Variants in GRTP1 observed in about 807,000 individuals in gnomAD.
GRTP1 encodes the protein growth hormone regulated TBC protein 1, also known as growth hormone-regulated TBC protein 1.
GRTP1 carries 56 observed loss-of-function variants against 38.1 expected under a neutral mutation model. That is an observed-to-expected ratio of 1.47 (90% CI 1.19 to 1.84). GRTP1 has a LOEUF of 1.84. Among genes scored for constraint, GRTP1 ranks in the 40% most tolerant of loss-of-function variants. GRTP1 has a pLI of 0.00. For synonymous variants in GRTP1, 217 were observed against 189.5 expected (o/e 1.14, Z -1.19); for missense variants, 506 against 453.9 (o/e 1.11, Z -1.04).
Position 113,349,312 on chromosome 13 carries a change from T to G in GRTP1, c.465+1537A>C, listed in dbSNP as rs945246181. Among the ~76,000 whole-genome samples, 2 of 151,510 alleles carry G rather than the reference T, an allele frequency of 1.3e-5. No homozygotes were observed. Among genetic ancestry groups the G allele is most frequent in the Non-Finnish European group, 2.9e-5 (2 of 67,918 alleles). On this transcript the variant is annotated intron_variant, in intron 4 of 7. Coordinates refer to ENST00000375431, the MANE Select transcript of GRTP1 (RefSeq NM_024719.4). This position sits in a 1 kb window ranked among gnomAD's most constrained non-coding sequence, Gnocchi z 5.0. ...CAAACGACCCTCTCACCTCAGCCCC[T>G]CGAGCAGCCGGGACCACAGGCGTGT...
chr13:113,362,402 C>T (rs1482748276), intron 2 of GRTP1, among the ~76,000 whole-genome samples: 1 of 152,150 alleles, frequency 6.6e-6, no homozygotes. Context: ...AACATGTGAA[C>T]ATGCAGAGGC....
Position 113,342,758 on chromosome 13 carries a change from G to A in GRTP1, c.562+2105C>T, listed in dbSNP as rs550459348. ...TCTCTGCCGCTGGGAGAGCTCTGCC[G>A]GGATCGGAATAACCCCCTTTTCCTC... On this transcript the variant is annotated intron_variant, in intron 5 of 7. Transcript: ENST00000375431. This position sits in a 1 kb window ranked among gnomAD's most constrained non-coding sequence, Gnocchi z 4.5. Among the ~76,000 whole-genome samples the A allele has an allele frequency of 8.3e-4, 126 of 152,250 alleles. 1 individual carries two copies. Among genetic ancestry groups the A allele is most frequent in the Middle Eastern group, 3.4e-3 (1 of 294 alleles).
chr13:113,324,952 G>T, intron 7 of GRTP1: 1 of 535,418 alleles, frequency 1.9e-6, no homozygotes, highest in Non-Finnish European at 2.5e-6. Context: ...TCAGCCTCCC[G>T]AGTAACTGGG....
intron 3 of GRTP1, 103 bp from the exon 4 acceptor site, chr13:113,351,076 A>T: frequency 1.3e-6 from 2 of 1,490,812 alleles, no homozygotes; most frequent in Non-Finnish European, 1.8e-6. Context: ...CTTGGGACTT[A>T]CGGACTGGTT....
At chr13:113,341,417 C>T (rs1236040471) in intron 5 of GRTP1, among the ~76,000 whole-genome samples, 1 of 152,200 alleles carries the variant, frequency 6.6e-6, no homozygotes, top group African/African-American at 2.4e-5. Context: ...CAGGCACCCG[C>T]CACCACGCCC....
Position 113,342,757 on chromosome 13 carries a change from C to T in GRTP1, c.562+2106G>A, listed in dbSNP as rs1016835827. On this transcript the variant is annotated intron_variant, in intron 5 of 7. Transcript: ENST00000375431. The surrounding 1 kb of genome is among the most constrained non-coding windows in gnomAD (Gnocchi z 4.5). ...TTCTCTGCCGCTGGGAGAGCTCTGCCGGGATCGGAATAACCCCCTTTTCCT... is the reference window on the plus strand; with the variant it reads ...TTCTCTGCCGCTGGGAGAGCTCTGCTGGGATCGGAATAACCCCCTTTTCCT... Among the ~76,000 whole-genome samples the T allele has an allele frequency of 2.6e-5, 4 of 152,150 alleles. No homozygotes were observed. Among genetic ancestry groups the T allele is most frequent in the Admixed American group, 6.5e-5 (1 of 15,276 alleles).
intron 2 of GRTP1, among the ~76,000 whole-genome samples, chr13:113,357,059 C>A (rs1030591003): frequency 6.7e-6 from 1 of 149,390 alleles, no homozygotes. Context: ...TGCCTGGAAT[C>A]CCAGCACTTT....
intron 2 of GRTP1, among the ~76,000 whole-genome samples, chr13:113,362,820 T>A (rs1249195643): frequency 6.6e-6 from 1 of 151,732 alleles, no homozygotes; most frequent in Non-Finnish European, 1.5e-5. Flanking sequence ...GCCATTCACA[T>A]CCCCCTTCTC....
At chr13:113,341,789 C>T (rs955700936) in intron 5 of GRTP1, among the ~76,000 whole-genome samples, 17 of 152,226 alleles carry the variant, frequency 1.1e-4, no homozygotes, top group Non-Finnish European at 7.4e-5. Flanking sequence ...TGGGGATGTG[C>T]CAGTGAAGGC....
chr13:113,352,363 T>TATATATATATATTTA (rs2043301437), intron 3 of GRTP1, among the ~76,000 whole-genome samples: 2 of 17,726 alleles, frequency 1.1e-4, no homozygotes, highest in Non-Finnish European at 2.8e-4. Flanking sequence ...ATATATTTTA[T>TATATATATATATTTA]ATATATATAT....
intron 3 of GRTP1, among the ~76,000 whole-genome samples, chr13:113,352,797 G>A (rs2043310127): frequency 6.6e-6 from 1 of 152,204 alleles, no homozygotes; most frequent in South Asian, 2.1e-4. Flanking sequence ...CTGTGGGACT[G>A]GACCATCCAC....
intron 5 of GRTP1, among the ~76,000 whole-genome samples, chr13:113,326,372 CG>C (rs1369165282): frequency 0.031 from 62 of 2,006 alleles, no homozygotes; most frequent in African/African-American, 0.089. Context: ...TGGAGGGTGG[CG>C]CGGTGGGGGG....
At chr13:113,336,851 G>A (rs2042962300) in intron 5 of GRTP1, among the ~76,000 whole-genome samples, 2 of 152,220 alleles carry the variant, frequency 1.3e-5, no homozygotes, top group South Asian at 2.1e-4. Context: ...AGAGGGCTCT[G>A]GGAAAACCCA....
chr13:113,339,096 T>A (rs916331168), intron 5 of GRTP1, among the ~76,000 whole-genome samples: 4 of 152,100 alleles, frequency 2.6e-5, no homozygotes, highest in Admixed American at 2.6e-4. Context: ...GTATTTTTAG[T>A]AGAGACAGAG....
At chr13:113,363,717 A>AACCCAACTGCGCCCTCGGG (rs1566447030) in intron 2 of GRTP1, 45 bp downstream of exon 2, 46 of 1,525,766 alleles carry the variant, frequency 3.0e-5, no homozygotes, top group Middle Eastern at 4.6e-4. Flanking sequence ...GTCCCAGCCC[A>AACCCAACTGCGCCCTCGGG]ACCCACCTGC....
Position 113,349,992 on chromosome 13 carries a change from C to G in GRTP1, c.465+857G>C, listed in dbSNP as rs2043231632. On this transcript the variant is annotated intron_variant, in intron 4 of 7. Coordinates refer to ENST00000375431, the MANE Select transcript of GRTP1 (RefSeq NM_024719.4). This position sits in a 1 kb window ranked among gnomAD's most constrained non-coding sequence, Gnocchi z 5.0. ...TGGCCTAAAATGCCAGGAACGCACT[C>G]TCCAATCCCGGTGGCAGCCGTGGGC... 6.6e-6 allele frequency among the ~76,000 whole-genome samples: 1 copy of G among 152,168 alleles called. No homozygotes were observed. Among genetic ancestry groups the G allele is most frequent in the South Asian group, 2.1e-4 (1 of 4,834 alleles).
In GRTP1 at chr13:113,350,846, C is replaced by T. The variant is rs1396497828; in HGVS notation, c.465+3G>A. ...CATGGCGTCAGAGGGTCCCGAGGCT[C>T]ACCTGGCAGTAGCCCACTCCCTGGT... On this transcript the variant is annotated splice_donor_region_variant and intron_variant, in intron 4 of 7. Coordinates refer to ENST00000375431, the MANE Select transcript of GRTP1 (RefSeq NM_024719.4). 3 of 1,565,818 alleles carry T rather than the reference C, an allele frequency of 1.9e-6. No individual in the cohort carries two copies. Among genetic ancestry groups the T allele is most frequent in the Non-Finnish European group, 2.6e-6 (3 of 1,148,070 alleles).
At position 113,342,214 on chromosome 13, in the gene GRTP1, G is replaced by A. The variant is rs997693232; in HGVS notation, c.562+2649C>T. On this transcript the variant is annotated intron_variant, in intron 5 of 7. Transcript: ENST00000375431. The surrounding 1 kb of genome is among the most constrained non-coding windows in gnomAD (Gnocchi z 4.5). ...CTTGCAAAGTGCTAGGATTACAGGC[G>A]TGAGCCACGGCTCCTGGCTGTCACT... Among the ~76,000 whole-genome samples the A allele has an allele frequency of 7.2e-5, 11 of 152,144 alleles. No individual in the cohort carries two copies. The highest frequency in any genetic ancestry group is 1.3e-4 in the Non-Finnish European group (9 of 68,036).
At chr13:113,361,482 G>C (rs2043498045) in intron 2 of GRTP1, 1 of 152,218 alleles carries the variant, frequency 6.6e-6, no homozygotes, top group Non-Finnish European at 1.5e-5. Context: ...AAATGGCAAA[G>C]GCAAAGACGG....
Sources: allele counts gnomAD v4.1 joint callset (sites outside exome capture counted in the v4.1 genomes callset), GRCh38; gene constraint gnomAD v4.1.1; non-coding constraint Gnocchi (gnomAD v3.1); transcripts MANE v1.5; gene names NCBI Gene and HGNC (gene_info 2026-07-23, HGNC 2026-07-21).